FSTL4: variants seen among roughly 807,000 people sequenced by gnomAD.
The protein encoded by FSTL4 is follistatin like 4, also known as follistatin-related protein 4.
A neutral mutation model predicts 78.2 loss-of-function variants in FSTL4; 28 were observed. That is an observed-to-expected ratio of 0.36 (90% CI 0.27 to 0.49). FSTL4 has a LOEUF of 0.49. Among genes scored for constraint, FSTL4 ranks in the 20% least tolerant of loss-of-function variants. FSTL4 has a pLI of 0.98. For missense variants in FSTL4, 922 were observed against 1,084.9 expected, an observed-to-expected ratio of 0.85 and a Z score of 2.11; for synonymous variants, 422 against 440.5, an observed-to-expected ratio of 0.96 and a Z score of 0.53.
chr5:133,691,898 A>C, the FSTL4 span, among the ~76,000 whole-genome samples: 87 of 152,276 alleles, frequency 5.7e-4, no homozygotes, highest in African/African-American at 2.0e-3. Context: ...TTCACCACTC[A>C]CTGGTTTACT....
intron 4 of FSTL4, among the ~76,000 whole-genome samples, chr5:133,384,831 C>T (rs556278764): frequency 2.0e-5 from 3 of 152,340 alleles, no homozygotes; most frequent in East Asian, 3.9e-4. Flanking sequence ...AAGCTCCTTT[C>T]CAGGCTTGCC....
the FSTL4 span, among the ~76,000 whole-genome samples, chr5:133,760,726 T>C: frequency 1.3e-5 from 2 of 152,032 alleles, no homozygotes. Context: ...GTCTGCTGCC[T>C]GCTAGAGTGA....
At chr5:133,214,427 AT>A (rs565844428) in intron 13 of FSTL4, among the ~76,000 whole-genome samples, 60 of 152,342 alleles carry the variant, frequency 3.9e-4, no homozygotes, top group South Asian at 8.3e-4. Context: ...CTTTCTTCAT[AT>A]AACAAGCCTT....
At chr5:133,705,838 A>AAC in the FSTL4 span, among the ~76,000 whole-genome samples, 65 of 145,152 alleles carry the variant, frequency 4.5e-4, no homozygotes, top group Middle Eastern at 3.6e-3. Flanking sequence ...AGCCTCCTGC[A>AAC]ACACACACAC....
the FSTL4 span, among the ~76,000 whole-genome samples, chr5:133,820,076 G>A: frequency 3.3e-5 from 5 of 152,128 alleles, no homozygotes; most frequent in African/African-American, 7.2e-5. Flanking sequence ...ACGGCACGGC[G>A]CAGGTTCTGC....
chr5:133,221,096 C>G, intron 11 of FSTL4: 2 of 623,692 alleles, frequency 3.2e-6, no homozygotes, highest in Non-Finnish European at 5.9e-6. Flanking sequence ...AGGCTACGTA[C>G]AGCTGCCCTA....
the FSTL4 span, among the ~76,000 whole-genome samples, chr5:133,733,928 C>G: frequency 1.3e-5 from 2 of 152,314 alleles, no homozygotes; most frequent in Admixed American, 6.5e-5. Flanking sequence ...TGGCATGACG[C>G]CTCAGTGCCT....
At chr5:133,841,437 C>T in the FSTL4 span, among the ~76,000 whole-genome samples, 4 of 152,230 alleles carry the variant, frequency 2.6e-5, no homozygotes, top group African/African-American at 9.6e-5. Context: ...AATTGGCCTC[C>T]ATATCCACCA....
At position 133,512,821 on chromosome 5, in the gene FSTL4, T is replaced by C. The variant is rs562797672; in HGVS notation, c.160+54365A>G. Among the ~76,000 whole-genome samples the C allele has an allele frequency of 6.8e-5, 8 of 117,966 alleles. No individual in the cohort carries two copies. The South Asian group carries it at 2.2e-3, about 32-fold the overall frequency. The allele number at this position is 117,966 out of a possible 152,430, so 77.4% of individuals were successfully genotyped here. A position where few individuals can be genotyped will look rare whatever the true frequency, so the allele number is the denominator to read the frequency against. ...TGCCCAGAGACTGGATAAGATTTTC[T>C]TCCTTTTTTTTTTTGAGACAGTTTT... On this transcript the variant is annotated intron_variant, in intron 3 of 15. Coordinates refer to ENST00000265342, the MANE Select transcript of FSTL4 (RefSeq NM_015082.2).
intron 3 of FSTL4, among the ~76,000 whole-genome samples, chr5:133,472,626 C>T (rs1235951450): frequency 6.6e-6 from 1 of 152,218 alleles, no homozygotes; most frequent in Admixed American, 6.5e-5. Flanking sequence ...ATGCTGGATG[C>T]ATAGAGAACT....
chr5:133,537,012 T>A (rs868258551), intron 3 of FSTL4, among the ~76,000 whole-genome samples: 4 of 152,174 alleles, frequency 2.6e-5, no homozygotes, highest in African/African-American at 4.8e-5. Flanking sequence ...GTTCCTAGAG[T>A]ACGGCATTTT....
the FSTL4 span, among the ~76,000 whole-genome samples, chr5:133,641,742 A>G: frequency 6.6e-6 from 1 of 152,188 alleles, no homozygotes; most frequent in Non-Finnish European, 1.5e-5. Flanking sequence ...ATGAAATACA[A>G]TGCAGTCTTT....
chr5:133,251,862 T>A (rs1481163290), intron 6 of FSTL4, among the ~76,000 whole-genome samples: 3 of 152,156 alleles, frequency 2.0e-5, no homozygotes, highest in Non-Finnish European at 4.4e-5. Context: ...AGGCCAGTGG[T>A]GGCTGTGGGA....
At chr5:133,494,776 C>T (rs1462678865) in intron 3 of FSTL4, among the ~76,000 whole-genome samples, 3 of 152,208 alleles carry the variant, frequency 2.0e-5, no homozygotes, top group South Asian at 2.1e-4. Context: ...GCCTGTGGCC[C>T]GGGTGTGCTG....
chr5:133,547,194 A>G (rs951855321), intron 3 of FSTL4, among the ~76,000 whole-genome samples: 1 of 151,992 alleles, frequency 6.6e-6, no homozygotes, highest in Non-Finnish European at 1.5e-5. Flanking sequence ...AGGGCTTTGG[A>G]CTTACTTGGG....
chr5:133,296,688 C>A (rs1561660966), intron 6 of FSTL4, among the ~76,000 whole-genome samples: 1 of 152,154 alleles, frequency 6.6e-6, no homozygotes, highest in South Asian at 2.1e-4. Context: ...CCCTGCCCTG[C>A]CCTGCCCTAC....
the FSTL4 span, among the ~76,000 whole-genome samples, chr5:133,721,712 CCTTTGT>C: frequency 1.3e-5 from 2 of 152,102 alleles, no homozygotes; most frequent in African/African-American, 2.4e-5. Flanking sequence ...TAAAATTCTC[CCTTTGT>C]CTTTAACTTT....
chr5:133,329,377 C>T (rs1754289904), intron 4 of FSTL4, among the ~76,000 whole-genome samples: 1 of 151,590 alleles, frequency 6.6e-6, no homozygotes, highest in South Asian at 2.1e-4. Flanking sequence ...TCTTAGAGGG[C>T]CAGAACTCAA....
the FSTL4 span, among the ~76,000 whole-genome samples, chr5:133,628,269 A>G: frequency 0.046 from 7,045 of 152,254 alleles, 492 homozygotes; most frequent in African/African-American, 0.16. Flanking sequence ...AGATCAGAGC[A>G]GAACTGAAAG....
Sources: gnomAD v4.1 joint callset for allele counts (sites outside exome capture counted in the v4.1 genomes callset) on GRCh38, gnomAD v4.1.1 for gene constraint, MANE v1.5 for transcripts, NCBI Gene and HGNC (gene_info 2026-07-23, HGNC 2026-07-21) for gene names.